CNTN5: variants seen among roughly 807,000 people sequenced by gnomAD.
CNTN5 encodes contactin-5.
Under a neutral mutation model 129.1 loss-of-function variants are expected in CNTN5, and 77 were observed. The observed-to-expected ratio is 0.60, with a 90% confidence interval of 0.50 to 0.72. The LOEUF (loss-of-function observed/expected upper bound fraction) is 0.72. Ranked by LOEUF, CNTN5 falls within the 30% of genes least tolerant of loss-of-function variation. The pLI is 0.00. For synonymous variants in CNTN5, 509 were observed against 465.6 expected, an observed-to-expected ratio of 1.09 and a Z score of -1.20; for missense variants, 1,478 against 1,328.8, an observed-to-expected ratio of 1.11 and a Z score of -1.75.
intron 9 of CNTN5, among the ~76,000 whole-genome samples, chr11:100,049,397 G>C (rs955010218): frequency 6.6e-6 from 1 of 151,816 alleles, no homozygotes; most frequent in Non-Finnish European, 1.5e-5. Flanking sequence ...AAATAAACTA[G>C]TATAAGACTA....
intron 8 of CNTN5, among the ~76,000 whole-genome samples, chr11:99,964,835 A>C (rs1425269416): frequency 6.6e-6 from 1 of 152,154 alleles, no homozygotes; most frequent in Non-Finnish European, 1.5e-5. Flanking sequence ...CCTCAATTTC[A>C]GAGCCTGTTA....
rs1308758267 is a variant in CNTN5 at position 99,788,372 on chromosome 11, G to T, written c.56-31172G>T. On this transcript the variant is annotated intron_variant, in intron 3 of 24. Coordinates refer to ENST00000524871, the MANE Select transcript of CNTN5 (RefSeq NM_014361.4). ...AAACTGTCTTGGGCAATAAAAGCCAGTAGCTCTTAGAGGTGAACACGCTCA... is the reference window on the plus strand; with the variant it reads ...AAACTGTCTTGGGCAATAAAAGCCATTAGCTCTTAGAGGTGAACACGCTCA... Among the ~76,000 whole-genome samples, 4 of 152,024 alleles carry T rather than the reference G, an allele frequency of 2.6e-5. No homozygotes were observed. In the East Asian group the frequency reaches 7.7e-4, roughly 29 times the overall value.
At chr11:99,152,212 TTCTA>T (rs1860096946) in intron 1 of CNTN5, among the ~76,000 whole-genome samples, 1 of 152,206 alleles carries the variant, frequency 6.6e-6, no homozygotes, top group South Asian at 2.1e-4. Context: ...ATTTTACACT[TTCTA>T]TAATATTTGA....
intron 2 of CNTN5, among the ~76,000 whole-genome samples, chr11:99,459,507 T>G (rs1159796000): frequency 6.6e-6 from 1 of 151,978 alleles, no homozygotes. Context: ...CTGGAGGAAG[T>G]GAGTATATCT....
intron 2 of CNTN5, among the ~76,000 whole-genome samples, chr11:99,494,262 A>G (rs979489513): frequency 2.0e-5 from 3 of 152,168 alleles, no homozygotes; most frequent in Non-Finnish European, 4.4e-5. Flanking sequence ...TAATGTGTCT[A>G]CTCAGCATTT....
chr11:99,560,279 A>ATTATTT (rs1331988999), intron 3 of CNTN5, among the ~76,000 whole-genome samples: 84 of 147,224 alleles, frequency 5.7e-4, no homozygotes, highest in African/African-American at 1.9e-3. Flanking sequence ...TATTATTATT[A>ATTATTT]TTATTATTAT....
chr11:99,562,246 A>G (rs1222504090), intron 3 of CNTN5, among the ~76,000 whole-genome samples: 2 of 152,078 alleles, frequency 1.3e-5, no homozygotes, highest in Non-Finnish European at 1.5e-5. Flanking sequence ...CCTTCCTTGC[A>G]CTTTTTTTTC....
intron 6 of CNTN5, among the ~76,000 whole-genome samples, chr11:99,880,684 T>C (rs1337827996): frequency 6.6e-6 from 1 of 152,190 alleles, no homozygotes; most frequent in Non-Finnish European, 1.5e-5. Context: ...TTTTGTCCTT[T>C]GCAAAATGTT....
intron 6 of CNTN5, among the ~76,000 whole-genome samples, chr11:99,913,249 C>G (rs1055946930): frequency 6.6e-6 from 1 of 152,018 alleles, no homozygotes; most frequent in Non-Finnish European, 1.5e-5. Context: ...AGTCTAACCA[C>G]CATCCCCATC....
At chr11:99,058,188 T>C (rs1028613725) in intron 1 of CNTN5, among the ~76,000 whole-genome samples, 3 of 152,010 alleles carry the variant, frequency 2.0e-5, no homozygotes, top group Non-Finnish European at 4.4e-5. Context: ...TTGAGCATAG[T>C]AGGCTTTCTT....
intron 1 of CNTN5, among the ~76,000 whole-genome samples, chr11:99,112,276 A>G (rs1360156898): frequency 6.6e-6 from 1 of 152,022 alleles, no homozygotes; most frequent in African/African-American, 2.4e-5. Context: ...CAGGGTCTCC[A>G]ATAGAAACTT....
intron 2 of CNTN5, among the ~76,000 whole-genome samples, chr11:99,344,569 G>C (rs996591321): frequency 6.6e-6 from 1 of 152,126 alleles, no homozygotes; most frequent in Admixed American, 6.5e-5. Flanking sequence ...TTCTGAAAAA[G>C]AAAGTGAAGA....
chr11:99,556,095 CTGTT>C (rs1278328873), intron 2 of CNTN5, 46 bp from the exon 3 acceptor site: 3 of 492,114 alleles, frequency 6.1e-6, no homozygotes, highest in African/African-American at 2.0e-5. Flanking sequence ...GTTGGCTTTT[CTGTT>C]TGTTTATTTC....
At chr11:99,117,128 G>T (rs904582926) in intron 1 of CNTN5, among the ~76,000 whole-genome samples, 1 of 152,140 alleles carries the variant, frequency 6.6e-6, no homozygotes, top group Admixed American at 6.6e-5. Flanking sequence ...TTGGTTCTAG[G>T]CAAATTATTT....
intron 23 of CNTN5, among the ~76,000 whole-genome samples, chr11:100,349,160 G>A: frequency 6.6e-6 from 1 of 151,904 alleles, no homozygotes; most frequent in East Asian, 1.9e-4. Flanking sequence ...AAAAGAAAGT[G>A]AAATGGAGGG....
chr11:99,899,457 CT>C (rs1949295978), intron 6 of CNTN5, among the ~76,000 whole-genome samples: 2 of 151,890 alleles, frequency 1.3e-5, no homozygotes, highest in Admixed American at 1.3e-4. Context: ...TTATCCAGTA[CT>C]GTTTTTTGCA....
At chr11:99,890,672 C>T (rs1386425461) in intron 6 of CNTN5, among the ~76,000 whole-genome samples, 2 of 152,154 alleles carry the variant, frequency 1.3e-5, no homozygotes, top group African/African-American at 2.4e-5. Flanking sequence ...ACTCCGCCCT[C>T]ATGGAGACAA....
At chr11:99,030,236 A>C (rs779320087) in intron 1 of CNTN5, among the ~76,000 whole-genome samples, 5 of 152,198 alleles carry the variant, frequency 3.3e-5, no homozygotes, top group African/African-American at 4.8e-5. Flanking sequence ...TTTAGGAATC[A>C]AAATTACTTC....
intron 13 of CNTN5, among the ~76,000 whole-genome samples, chr11:100,178,741 T>C (rs1948043906): frequency 6.6e-6 from 1 of 152,218 alleles, no homozygotes; most frequent in Non-Finnish European, 1.5e-5. Context: ...GCTGTTTTTA[T>C]GTGACAAATT....
Sources: gnomAD v4.1 joint callset for allele counts (sites outside exome capture counted in the v4.1 genomes callset) on GRCh38, gnomAD v4.1.1 for gene constraint, MANE v1.5 for transcripts, NCBI Gene and HGNC (gene_info 2026-07-23, HGNC 2026-07-21) for gene names.